The following HNRNPA2B1 variants were observed in gnomAD, a reference collection of about 807,000 sequenced individuals.
The protein encoded by HNRNPA2B1 is heterogeneous nuclear ribonucleoprotein A2/B1.
HNRNPA2B1 carries 3 observed loss-of-function variants against 46.3 expected under a neutral mutation model. The ratio of observed to expected loss-of-function variants is 0.06; its 90% CI spans 0.03 to 0.17. HNRNPA2B1 has a LOEUF of 0.17. HNRNPA2B1 is among the 10% of genes least tolerant of loss of function. The pLI is 1.00. For missense variants in HNRNPA2B1, 221 were observed against 418.9 expected (o/e 0.53, Z 4.12); for synonymous variants, 225 against 133.8 (o/e 1.68, Z -4.70).
Position 26,193,609 on chromosome 7 carries a change from C to T in HNRNPA2B1, c.807G>A (p.Gly269=). 1 of 1,610,682 alleles carries T rather than the reference C, an allele frequency of 6.2e-7. No homozygotes were observed. Among genetic ancestry groups the T allele is most frequent in the Non-Finnish European group, 8.5e-7 (1 of 1,179,146 alleles). ...GGGPGYGNQG[G]GYGGGYDNYG... ...AGTTGTCATAACCACCTCCGTAGCC[C>T]CCACCCTGGTTGCCATATCCAGGTC... Residue 269 remains glycine, a synonymous_variant, in exon 8 of 11, where the codon GGG becomes GGA. Coordinates refer to ENST00000618183, the MANE Select transcript of HNRNPA2B1 (RefSeq NM_002137.4).
At chr7:26,195,511 T>C (rs1217109845) in intron 7 of HNRNPA2B1, among the ~76,000 whole-genome samples, 2 of 152,236 alleles carry the variant, frequency 1.3e-5, no homozygotes, top group Admixed American at 6.5e-5. Flanking sequence ...TTCCTACATA[T>C]ACCACCCCCT....
intron 1 of HNRNPA2B1, 109 bp downstream of exon 1, chr7:26,200,463 G>T: frequency 9.2e-7 from 1 of 1,081,202 alleles, no homozygotes; most frequent in Non-Finnish European, 1.4e-6. Context: ...CTACTGAATT[G>T]GTCCGATTTC....
rs1268332252 is a variant in HNRNPA2B1 at position 26,197,308 on chromosome 7, T to TGC, written c.264+5_264+6dup. 4 of 1,602,564 alleles carry TGC rather than the reference T, an allele frequency of 2.5e-6. No individual in the cohort carries two copies. Among genetic ancestry groups the TGC allele is most frequent in the Non-Finnish European group, 2.6e-6 (3 of 1,173,924 alleles). On this transcript the variant is annotated splice_region_variant and intron_variant, in intron 3 of 10. Transcript: ENST00000618183. ...GTTAATGCACAAGACAGTCATTGTTTGCTTACCTCTCTTGCTACAGCACGT... is the reference window on the plus strand; with the variant it reads ...GTTAATGCACAAGACAGTCATTGTTTGCGCTTACCTCTCTTGCTACAGCACGT...
intron 7 of HNRNPA2B1, among the ~76,000 whole-genome samples, 184 bp from the exon 8 acceptor site, chr7:26,193,878 C>CAAAT (rs1192496174): frequency 6.6e-6 from 1 of 152,154 alleles, no homozygotes; most frequent in Non-Finnish European, 1.5e-5. Flanking sequence ...GTTACTCAGC[C>CAAAT]AAATGGATAA....
intron 6 of HNRNPA2B1, 97 bp from the exon 7 acceptor site, chr7:26,196,006 TAAG>T: frequency 2.7e-6 from 4 of 1,461,820 alleles, no homozygotes; most frequent in South Asian, 1.4e-5. Context: ...GCACAATAAT[TAAG>T]AACCGCAGAA....
chr7:26,193,723 A>C, intron 7 of HNRNPA2B1, 29 bp from the exon 8 acceptor site: 1 of 1,589,120 alleles, frequency 6.3e-7, no homozygotes. Flanking sequence ...TTAAGTAATC[A>C]CTTAATATTT....
intron 7 of HNRNPA2B1, among the ~76,000 whole-genome samples, chr7:26,194,841 C>T (rs1045460871): frequency 6.6e-6 from 1 of 150,780 alleles, no homozygotes; most frequent in Non-Finnish European, 1.5e-5. Context: ...ACGCCTGTAA[C>T]CCCAGCGTTT....
chr7:26,197,655 G>A lies in HNRNPA2B1; in HGVS notation c.84C>T (p.Tyr28=), dbSNP rs1196918778. ...FETTEESLRN[Y]YEQWGKLTDC... ...CTGTAAGCTTTCCCCATTGTTCGTA[G>A]TAGTTCCTCAAACTTTCTTCTGTGG... Residue 28 remains tyrosine, a synonymous_variant, in exon 2 of 11, where the codon TAC becomes TAT. Coordinates refer to ENST00000618183, the MANE Select transcript of HNRNPA2B1 (RefSeq NM_002137.4). The A allele has an allele frequency of 3.1e-6, 5 of 1,613,744 alleles. No individual in the cohort carries two copies. Among genetic ancestry groups the A allele is most frequent in the Admixed American group, 1.7e-5 (1 of 60,012 alleles).
Position 26,200,619 on chromosome 7 carries a change from G to A in HNRNPA2B1, c.-42C>T, listed in dbSNP as rs777446751. The stretch of plus-strand genomic sequence containing the variant: ...TCAGCCCGATTTCCCGCAGCCGAGC[G>A]AGATGAGAGAGATCTCCGCGGACGA... On this transcript the variant is annotated 5_prime_UTR_variant, in exon 1 of 11. Transcript: ENST00000618183. 1 of 1,613,028 alleles carries A rather than the reference G, an allele frequency of 6.2e-7. No homozygotes were observed. The highest frequency in any genetic ancestry group is 1.7e-5 in the Admixed American group (1 of 60,012).
intron 9 of HNRNPA2B1, 110 bp from the exon 10 acceptor site, chr7:26,192,687 G>A (rs1339742790): frequency 3.3e-6 from 3 of 899,432 alleles, no homozygotes; most frequent in Middle Eastern, 2.2e-4. Flanking sequence ...TAAACAAGCA[G>A]ATCCTAATCC....
intron 3 of HNRNPA2B1, 136 bp downstream of exon 3, chr7:26,197,178 GA>G: frequency 8.2e-7 from 1 of 1,217,674 alleles, no homozygotes; most frequent in Non-Finnish European, 1.2e-6. Context: ...GCTAGCTTAA[GA>G]AAATGGTCCA....
At chr7:26,200,317 A>G in intron 1 of HNRNPA2B1, 1 of 553,328 alleles carries the variant, frequency 1.8e-6, no homozygotes. Context: ...CCAGCGGGGC[A>G]GCGTCCGCCA....
In HNRNPA2B1 at chr7:26,200,722, C is replaced by A. The variant is rs1784342527; in HGVS notation, c.-145G>T. 9.8e-7 allele frequency: 1 copy of A among 1,020,398 alleles called. No homozygotes were observed. The highest frequency in any genetic ancestry group is 1.7e-5 in the Admixed American group (1 of 57,586). 63.2% of individuals were successfully genotyped at this position (1,020,398 alleles called of 1,614,324 possible). On this transcript the variant is annotated 5_prime_UTR_variant, in exon 1 of 11. Coordinates refer to ENST00000618183, the MANE Select transcript of HNRNPA2B1 (RefSeq NM_002137.4). The stretch of plus-strand genomic sequence containing the variant: ...AACAACTCTGCGAGGAGCACCTCCG[C>A]ACGGGACCCGGCGCTGCTGCTACTG...
intron 7 of HNRNPA2B1, 32 bp from the exon 8 acceptor site, chr7:26,193,726 T>G (rs1783167373): frequency 1.3e-6 from 2 of 1,582,756 alleles, no homozygotes; most frequent in Non-Finnish European, 1.7e-6. Context: ...AGTAATCACT[T>G]AATATTTTCA....
intron 1 of HNRNPA2B1, chr7:26,198,914 G>C (rs944173233): frequency 3.3e-5 from 5 of 152,158 alleles, no homozygotes; most frequent in African/African-American, 9.7e-5. Flanking sequence ...CTAAAAAGTA[G>C]TGGTAAAACC....
rs1782939828 is a variant in HNRNPA2B1 at position 26,191,755 on chromosome 7, A to G, written c.*605T>C. 2 of 152,460 alleles carry G rather than the reference A, an allele frequency of 1.3e-5. No individual in the cohort carries two copies. The highest frequency in any genetic ancestry group is 6.5e-5 in the Admixed American group (1 of 15,288). The allele number at this position is 152,460 out of a possible 1,614,324, so 9.4% of individuals were successfully genotyped here. A position where few individuals can be genotyped will look rare whatever the true frequency, so the allele number is the denominator to read the frequency against. ...CTTACATCTGACCAGCATTTATCTT[A>G]TACAAATATAACAACAGCTTTGCAA... On this transcript the variant is annotated 3_prime_UTR_variant, in exon 11 of 11. Coordinates refer to ENST00000618183, the MANE Select transcript of HNRNPA2B1 (RefSeq NM_002137.4).
intron 7 of HNRNPA2B1, among the ~76,000 whole-genome samples, chr7:26,193,945 A>C (rs1300647211): frequency 6.6e-6 from 1 of 152,330 alleles, no homozygotes; most frequent in African/African-American, 2.4e-5. Context: ...CAAAACTAAA[A>C]ATCTTAAGTA....
chr7:26,197,130 A>AT (rs1452007154), intron 3 of HNRNPA2B1, 113 bp from the exon 4 acceptor site: 1 of 1,109,002 alleles, frequency 9.0e-7, no homozygotes, highest in African/African-American at 1.6e-5. Context: ...ACTACCAGAT[A>AT]TAAAATAGCT....
At chr7:26,197,832 TTTTTCCTCTCCAAAGGAACAGTTTC>T in intron 1 of HNRNPA2B1, 100 bp from the exon 2 acceptor site, 1 of 1,600,062 alleles carries the variant, frequency 6.2e-7, no homozygotes, top group Non-Finnish European at 8.5e-7. Context: ...GCAGAGTACC[TTTTTCCTCTCCAAAGGAACAGTTTC>T]TAAAGTTTTC....
Sources: gnomAD v4.1 joint callset for allele counts (sites outside exome capture counted in the v4.1 genomes callset) on GRCh38, gnomAD v4.1.1 for gene constraint, MANE v1.5 for transcripts, NCBI Gene and HGNC (gene_info 2026-07-23, HGNC 2026-07-21) for gene names.